NRXN1: variants seen among roughly 807,000 people sequenced by gnomAD.
The protein encoded by NRXN1 is neurexin 1, also known as neurexin-1.
NRXN1 carries 39 observed loss-of-function variants against 150.9 expected under a neutral mutation model. That is an observed-to-expected ratio of 0.26 (90% CI 0.20 to 0.34). The LOEUF is 0.34. Ranked by LOEUF, NRXN1 falls within the 10% of genes least tolerant of loss-of-function variation. The pLI, the probability that NRXN1 is intolerant of heterozygous loss-of-function variation, is 1.00. For missense variants in NRXN1, 1,815 were observed against 1,949.9 expected, an observed-to-expected ratio of 0.93 and a Z score of 1.30; for synonymous variants, 924 against 757.0, an observed-to-expected ratio of 1.22 and a Z score of -3.62.
At chr2:50,228,651 A>T (rs926257435) in intron 18 of NRXN1, among the ~76,000 whole-genome samples, 4 of 152,038 alleles carry the variant, frequency 2.6e-5, no homozygotes, top group African/African-American at 9.7e-5. Flanking sequence ...AAGTATATGA[A>T]GATACCCTTT....
At chr2:50,197,123 T>G (rs1462957467) in intron 18 of NRXN1, among the ~76,000 whole-genome samples, 3 of 152,162 alleles carry the variant, frequency 2.0e-5, no homozygotes, top group African/African-American at 7.2e-5. Context: ...AAACTTTTTT[T>G]CAGAAAATTA....
At chr2:50,157,365 T>C (rs999870773) in intron 18 of NRXN1, among the ~76,000 whole-genome samples, 7 of 151,988 alleles carry the variant, frequency 4.6e-5, no homozygotes, top group African/African-American at 1.7e-4. Context: ...AGACAGAATA[T>C]AAAAAAGATA....
intron 17 of NRXN1, among the ~76,000 whole-genome samples, chr2:50,351,957 G>A (rs2078442576): frequency 6.6e-6 from 1 of 152,140 alleles, no homozygotes; most frequent in South Asian, 2.1e-4. Flanking sequence ...GTCTAGATCT[G>A]TAGCAGAAGT....
At chr2:51,009,820 G>C (rs1292794087) in intron 2 of NRXN1, among the ~76,000 whole-genome samples, 1 of 151,810 alleles carries the variant, frequency 6.6e-6, no homozygotes, top group Non-Finnish European at 1.5e-5. Flanking sequence ...AAATCACTCT[G>C]CTGAGGAGAA....
At chr2:50,041,111 A>G (rs1352403339) in intron 21 of NRXN1, among the ~76,000 whole-genome samples, 1 of 152,176 alleles carries the variant, frequency 6.6e-6, no homozygotes, top group African/African-American at 2.4e-5. Context: ...TAAGCCACAT[A>G]GCAAGAATAA....
intron 17 of NRXN1, among the ~76,000 whole-genome samples, chr2:50,286,572 A>G (rs2072210062): frequency 6.6e-6 from 1 of 152,150 alleles, no homozygotes; most frequent in Non-Finnish European, 1.5e-5. Context: ...TTAACTAGCA[A>G]AAGCAGTTAA....
chr2:51,030,278 C>T (rs1406907876), intron 1 of NRXN1, among the ~76,000 whole-genome samples: 1 of 152,066 alleles, frequency 6.6e-6, no homozygotes, highest in Non-Finnish European at 1.5e-5. Context: ...ACCATACACA[C>T]ATGCACACAC....
Position 50,623,320 on chromosome 2 carries a change from C to A in NRXN1, c.1128G>T (p.Leu376=), listed in dbSNP as rs1272790979. 3 of 1,611,968 alleles carry A rather than the reference C, an allele frequency of 1.9e-6. 1 individual carries two copies. In the Admixed American group the frequency reaches 5.0e-5, roughly 27 times the overall value. The part of the protein sequence containing the change: ...AWHDVKVTRN[L]RQHSGIGHAM... ...TTATCCACTGCGCTGTTACCTGACG[C>A]AGATTCCTGGTGACTTTCACATCAT... Residue 376 remains leucine (L), a synonymous_variant, in exon 6 of 23, where the codon CTG becomes CTT. Transcript: ENST00000401669.
At chr2:50,712,093 C>A (rs1695242579) in intron 5 of NRXN1, among the ~76,000 whole-genome samples, 1 of 152,106 alleles carries the variant, frequency 6.6e-6, no homozygotes, top group African/African-American at 2.4e-5. Context: ...TTAATACTTA[C>A]ATCTAGACAC....
At chr2:50,664,681 G>A (rs1687777491) in intron 5 of NRXN1, among the ~76,000 whole-genome samples, 1 of 151,296 alleles carries the variant, frequency 6.6e-6, no homozygotes, top group South Asian at 2.1e-4. Context: ...CAGAAACTCT[G>A]CCATGAGTTT....
intron 17 of NRXN1, among the ~76,000 whole-genome samples, chr2:50,395,825 T>A (rs898747064): frequency 1.3e-5 from 2 of 152,112 alleles, no homozygotes; most frequent in Non-Finnish European, 2.9e-5. Context: ...GAAATTTGCA[T>A]CCTTGCCTTT....
rs560363324 is a variant in NRXN1, at chr2:50,448,170, T to C, written c.3364+17272A>G. 2.8e-4 allele frequency among the ~76,000 whole-genome samples: 43 copies of C among 152,218 alleles called. No individual in the cohort carries two copies. In the Middle Eastern group the frequency reaches 0.034, roughly 120 times the overall value. ...TTTTATAGATTAGCAAAGCAGGGGT[T>C]AGTCAGATTCTCTGGTCGTCTAATA... On this transcript the variant is annotated intron_variant, in intron 17 of 22. Transcript: ENST00000401669.
At chr2:50,558,717 TTTTG>T (rs1219637729) in intron 8 of NRXN1, among the ~76,000 whole-genome samples, 1 of 152,324 alleles carries the variant, frequency 6.6e-6, no homozygotes, top group Non-Finnish European at 1.5e-5. Context: ...TAATGCTGAT[TTTTG>T]TTTGTTTATT....
intron 21 of NRXN1, among the ~76,000 whole-genome samples, chr2:50,047,031 T>A (rs142895201): frequency 6.6e-4 from 101 of 152,268 alleles, no homozygotes; most frequent in Admixed American, 1.6e-3. Flanking sequence ...TGTATATGGA[T>A]GCATTAAGGA....
intron 8 of NRXN1, among the ~76,000 whole-genome samples, chr2:50,615,079 C>T (rs931197475): frequency 3.3e-5 from 5 of 152,170 alleles, no homozygotes; most frequent in Non-Finnish European, 5.9e-5. Flanking sequence ...ACCTCATCTA[C>T]CTCAGTAGCA....
chr2:50,810,694 G>C (rs891765660), intron 5 of NRXN1, among the ~76,000 whole-genome samples: 1 of 152,070 alleles, frequency 6.6e-6, no homozygotes, highest in Non-Finnish European at 1.5e-5. Flanking sequence ...AAAAGTGTTT[G>C]CATCTTGTCC....
At chr2:49,980,451 A>G (rs977243606) in intron 21 of NRXN1, among the ~76,000 whole-genome samples, 4 of 152,192 alleles carry the variant, frequency 2.6e-5, no homozygotes, top group African/African-American at 9.6e-5. Context: ...AAAAATAGAA[A>G]GGAAAGTTGG....
intron 15 of NRXN1, among the ~76,000 whole-genome samples, chr2:50,473,760 T>G (rs1166941590): frequency 6.6e-6 from 1 of 152,014 alleles, no homozygotes; most frequent in Non-Finnish European, 1.5e-5. Context: ...TGTTGAGCTG[T>G]GAGTAACAAA....
intron 5 of NRXN1, among the ~76,000 whole-genome samples, chr2:50,697,064 A>G (rs1205411142): frequency 3.9e-5 from 6 of 152,166 alleles, no homozygotes; most frequent in Admixed American, 6.5e-5. Context: ...TGTACCAGCA[A>G]TAAGACAATA....
Sources: allele counts gnomAD v4.1 joint callset (sites outside exome capture counted in the v4.1 genomes callset), GRCh38; gene constraint gnomAD v4.1.1; transcripts MANE v1.5; gene names NCBI Gene and HGNC (gene_info 2026-07-23, HGNC 2026-07-21).